AK8: variants seen among roughly 807,000 people sequenced by gnomAD.
AK8 encodes the protein ATP-AMP transphosphorylase 8.
A neutral mutation model predicts 54.6 loss-of-function variants in AK8; 44 were observed. The ratio of observed to expected loss-of-function variants is 0.81; its 90% CI spans 0.63 to 1.04. The LOEUF is 1.04. Among genes scored for constraint, AK8 ranks in the 50% least tolerant of loss-of-function variants. The pLI is 0.00. For synonymous variants in AK8, 239 were observed against 245.6 expected, an observed-to-expected ratio of 0.97 and a Z score of 0.25; for missense variants, 555 against 613.6, an observed-to-expected ratio of 0.90 and a Z score of 1.01.
intron 8 of AK8, among the ~76,000 whole-genome samples, chr9:132,823,681 T>C (rs767620053): frequency 6.6e-5 from 10 of 152,236 alleles, no homozygotes; most frequent in Non-Finnish European, 1.0e-4. Context: ...CAGGACATGA[T>C]AGCACTCTCT....
At chr9:132,743,121 C>T (rs979902881) in intron 11 of AK8, among the ~76,000 whole-genome samples, 3 of 152,240 alleles carry the variant, frequency 2.0e-5, no homozygotes, top group African/African-American at 7.2e-5. Flanking sequence ...AGGTTCAGAG[C>T]CAGCTGCAGT....
At chr9:132,840,476 A>G (rs954806094) in intron 5 of AK8, among the ~76,000 whole-genome samples, 1 of 151,774 alleles carries the variant, frequency 6.6e-6, no homozygotes, top group African/African-American at 2.4e-5. Context: ...TGAGGAAGGC[A>G]GTCTGCAGCT....
At chr9:132,868,796 C>T (rs1388022307) in intron 2 of AK8, among the ~76,000 whole-genome samples, 1 of 152,192 alleles carries the variant, frequency 6.6e-6, no homozygotes, top group Non-Finnish European at 1.5e-5. Flanking sequence ...CTGTTTGTCA[C>T]CTTTGTCACC....
intron 7 of AK8, 101 bp from the exon 8 acceptor site, chr9:132,827,155 A>C (rs1015502278): frequency 1.1e-5 from 14 of 1,238,582 alleles, no homozygotes; most frequent in Non-Finnish European, 1.4e-5. Flanking sequence ...GCCAGGCCCT[A>C]CACATTCCTG....
At chr9:132,726,087 T>A (rs986476972) in intron 12 of AK8, among the ~76,000 whole-genome samples, 162 bp from the exon 13 acceptor site, 5 of 152,156 alleles carry the variant, frequency 3.3e-5, no homozygotes, top group African/African-American at 9.7e-5. Context: ...CTTTGACTGA[T>A]GGGCCCTGGA....
At chr9:132,785,977 C>T (rs939210809) in intron 11 of AK8, among the ~76,000 whole-genome samples, 1 of 152,210 alleles carries the variant, frequency 6.6e-6, no homozygotes, top group Admixed American at 6.5e-5. Flanking sequence ...ACTTTGAAAA[C>T]CTAACCTACA....
Position 132,725,828 on chromosome 9 carries a change from C to G in AK8, c.1300G>C (p.Asp434His). Residue 434 changes from aspartate (D) to histidine (H), a missense_variant, in exon 13 of 13, where the codon GAC (aspartate) becomes CAC (histidine). By Grantham distance (81) the Asp-to-His change is moderately conservative. Coordinates refer to ENST00000298545, the MANE Select transcript of AK8 (RefSeq NM_152572.3). ...DAEEQVKLKM[D>H]LFYRNSADLE... ...TCAGCTGAGTTCCTGTAGAACAGGTCCATTTTCAGCTTGACCTGCTCTTCA... is the reference window on the plus strand; with the variant it reads ...TCAGCTGAGTTCCTGTAGAACAGGTGCATTTTCAGCTTGACCTGCTCTTCA... 6.2e-7 allele frequency: 1 copy of G among 1,607,822 alleles called. No homozygotes were observed. Among genetic ancestry groups the G allele is most frequent in the Non-Finnish European group, 8.5e-7 (1 of 1,177,616 alleles).
chr9:132,795,457 GTT>G (rs1840124033), intron 10 of AK8, among the ~76,000 whole-genome samples: 1 of 152,172 alleles, frequency 6.6e-6, no homozygotes, highest in Non-Finnish European at 1.5e-5. Context: ...GAGACCTTGT[GTT>G]TTCTTGCCAG....
intron 11 of AK8, among the ~76,000 whole-genome samples, chr9:132,751,378 C>CAAAAAAAAA (rs1208975942): frequency 1.0e-4 from 5 of 50,186 alleles, no homozygotes; most frequent in Admixed American, 2.2e-4. Flanking sequence ...AGTGAGACTC[C>CAAAAAAAAA]AAAAAAAAAA....
rs775586527 is a variant in AK8, at chr9:132,878,122, A to T, written c.84+50T>A. The T allele has an allele frequency of 5.8e-6, 9 of 1,547,532 alleles. No homozygotes were observed. In the East Asian group the frequency reaches 1.2e-4, roughly 20 times the overall value. ...GGCCGCGCACCCGACGTCGCAGTGG[A>T]GGCTCCCGAGCCGCCGCCAGCGTCG... On this transcript the variant is annotated intron_variant, in intron 1 of 12. Transcript: ENST00000298545. The surrounding 1 kb of genome is among the most constrained non-coding windows in gnomAD (Gnocchi z 4.7).
rs1025072655 is a variant in AK8, at chr9:132,821,769, G to A, written c.889+1436C>T. ...TGTATATACAAATATATACATATAT[G>A]TATATGTGTATGTATATACAAATAT... On this transcript the variant is annotated intron_variant, in intron 9 of 12. Transcript: ENST00000298545. Among the ~76,000 whole-genome samples, 11 of 102,422 alleles carry A rather than the reference G, an allele frequency of 1.1e-4. 1 individual carries two copies. The highest frequency in any genetic ancestry group is 7.8e-4 in the East Asian group (3 of 3,846). The allele number at this position is 102,422 out of a possible 152,430, so 67.2% of individuals were successfully genotyped here.
At chr9:132,738,851 C>T (rs535865356) in intron 11 of AK8, among the ~76,000 whole-genome samples, 32 of 149,880 alleles carry the variant, frequency 2.1e-4, no homozygotes, top group African/African-American at 6.9e-4. Context: ...ATCTCCCGGG[C>T]TCAAGTGATC....
chr9:132,817,407 C>T (rs780731564), intron 9 of AK8, among the ~76,000 whole-genome samples: 6 of 152,040 alleles, frequency 3.9e-5, no homozygotes, highest in Admixed American at 6.5e-5. Context: ...AGAATCAGAT[C>T]GGGGATGACA....
intron 5 of AK8, among the ~76,000 whole-genome samples, chr9:132,853,838 A>C (rs1377325114): frequency 4.6e-5 from 7 of 151,154 alleles, no homozygotes; most frequent in Non-Finnish European, 1.0e-4. Flanking sequence ...TGGCAAGCGC[A>C]TATACTAAAA....
At position 132,863,192 on chromosome 9, in the gene AK8, C is replaced by A. The variant is rs546517209; in HGVS notation, c.333+473G>T. Among the ~76,000 whole-genome samples, 3 of 152,334 alleles carry A rather than the reference C, an allele frequency of 2.0e-5. No individual in the cohort carries two copies. The East Asian group carries it at 5.8e-4, about 29-fold the overall frequency. ...AGAGGGTGGGCTGTGCAGCAGGGTG[C>A]CCAAGGCTATGGGAGGGAGACGCCT... On this transcript the variant is annotated intron_variant, in intron 4 of 12. Transcript: ENST00000298545.
chr9:132,779,642 A>G (rs1387829913), intron 11 of AK8, among the ~76,000 whole-genome samples: 1 of 152,244 alleles, frequency 6.6e-6, no homozygotes, highest in East Asian at 1.9e-4. Flanking sequence ...CAAGCTATCA[A>G]CCACATGCAC....
intron 11 of AK8, among the ~76,000 whole-genome samples, chr9:132,780,382 A>G (rs1264285882): frequency 6.6e-6 from 1 of 152,202 alleles, no homozygotes; most frequent in African/African-American, 2.4e-5. Flanking sequence ...GGTGTCTGCC[A>G]GCCTCCCTCC....
At chr9:132,823,505 G>A (rs1841742932) in intron 8 of AK8, among the ~76,000 whole-genome samples, 169 bp from the exon 9 acceptor site, 1 of 152,194 alleles carries the variant, frequency 6.6e-6, no homozygotes, top group Non-Finnish European at 1.5e-5. Flanking sequence ...GAATTACGTG[G>A]CAGGCCTGGG....
chr9:132,838,809 C>T (rs1391970619), intron 5 of AK8, among the ~76,000 whole-genome samples: 2 of 152,068 alleles, frequency 1.3e-5, no homozygotes, highest in Non-Finnish European at 2.9e-5. Flanking sequence ...GCAGGTGCCC[C>T]AGAAGTCTTA....
Sources: gnomAD v4.1 joint callset for allele counts (sites outside exome capture counted in the v4.1 genomes callset) on GRCh38, gnomAD v4.1.1 for gene constraint, Gnocchi (gnomAD v3.1) non-coding constraint, MANE v1.5 for transcripts, NCBI Gene and HGNC (gene_info 2026-07-23, HGNC 2026-07-21) for gene names.